GALNTL6: variants seen among roughly 807,000 people sequenced by gnomAD.
The protein encoded by GALNTL6 is polypeptide N-acetylgalactosaminyltransferase like 6, also known as polypeptide N-acetylgalactosaminyltransferase-like 6.
Under a neutral mutation model 73.7 loss-of-function variants are expected in GALNTL6, and 46 were observed. That is an observed-to-expected ratio of 0.62 (90% CI 0.49 to 0.80). The LOEUF is 0.80. Among genes scored for constraint, GALNTL6 ranks in the 30% least tolerant of loss-of-function variants. GALNTL6 has a pLI of 0.00. For synonymous variants in GALNTL6, 259 were observed against 263.7 expected (o/e 0.98, Z 0.17); for missense variants, 604 against 755.0 (o/e 0.80, Z 2.34).
chr4:172,206,349 AG>A (rs1254960445), intron 2 of GALNTL6, among the ~76,000 whole-genome samples: 2 of 152,194 alleles, frequency 1.3e-5, no homozygotes, highest in Non-Finnish European at 2.9e-5. Context: ...AAAGGGACAC[AG>A]GAAAAGACAA....
At chr4:172,969,418 A>G (rs925237524) in intron 10 of GALNTL6, among the ~76,000 whole-genome samples, 1 of 152,196 alleles carries the variant, frequency 6.6e-6, no homozygotes, top group Non-Finnish European at 1.5e-5. Flanking sequence ...CAACTAATAC[A>G]TAAAACTATA....
chr4:172,334,062 C>G (rs1285505119), intron 4 of GALNTL6, among the ~76,000 whole-genome samples: 1 of 152,054 alleles, frequency 6.6e-6, no homozygotes, highest in Non-Finnish European at 1.5e-5. Flanking sequence ...ATTTTTATAC[C>G]AATACCAGTG....
chr4:172,066,831 C>T (rs931371904), intron 2 of GALNTL6, among the ~76,000 whole-genome samples: 20 of 152,046 alleles, frequency 1.3e-4, no homozygotes, highest in African/African-American at 4.8e-4. Context: ...TCTTCTAATC[C>T]ACTTGCATGC....
At chr4:172,855,812 G>A (rs955628748) in intron 7 of GALNTL6, among the ~76,000 whole-genome samples, 3 of 152,210 alleles carry the variant, frequency 2.0e-5, no homozygotes, top group African/African-American at 7.2e-5. Flanking sequence ...TGGAGCTTGA[G>A]TGATGAGGAT....
chr4:172,083,891 C>T (rs1194696062), intron 2 of GALNTL6, among the ~76,000 whole-genome samples: 1 of 152,066 alleles, frequency 6.6e-6, no homozygotes, highest in Non-Finnish European at 1.5e-5. Context: ...TCATGAAAAA[C>T]AAAGCTGTGG....
chr4:172,067,868 AT>A lies in GALNTL6; in HGVS notation c.139-161787del, dbSNP rs1390602512. On this transcript the variant is annotated intron_variant, in intron 2 of 12. Transcript: ENST00000506823. Reference sequence around the variant, plus strand: ...TTGGGCTGATTAGTTGAGCCATTGCATGTAGAAGTGGAGTAAAGGCAGCAGA... The same window carrying A: ...TTGGGCTGATTAGTTGAGCCATTGCAGTAGAAGTGGAGTAAAGGCAGCAGA... Among the ~76,000 whole-genome samples the A allele has an allele frequency of 4.5e-5, 5 of 110,568 alleles. 2 individuals carry two copies. Among genetic ancestry groups the A allele is most frequent in the Non-Finnish European group, 1.0e-4 (5 of 49,644 alleles). 72.5% of individuals were successfully genotyped at this position (110,568 alleles called of 152,430 possible).
chr4:172,499,303 G>A lies in GALNTL6; in HGVS notation c.553+150614G>A, dbSNP rs545076304. 2.6e-5 allele frequency among the ~76,000 whole-genome samples: 4 copies of A among 152,152 alleles called. No homozygotes were observed. The South Asian group carries it at 8.3e-4, about 32-fold the overall frequency. On this transcript the variant is annotated intron_variant, in intron 5 of 12. Coordinates refer to ENST00000506823, the MANE Select transcript of GALNTL6 (RefSeq NM_001034845.3). ...ACAGGATTAGCACCTTATAAGAGGA[G>A]ACTCAAGAGAGATGATCTCTCTCCA...
At chr4:172,417,337 C>T (rs1203210013) in intron 5 of GALNTL6, among the ~76,000 whole-genome samples, 1 of 152,092 alleles carries the variant, frequency 6.6e-6, no homozygotes, top group Non-Finnish European at 1.5e-5. Context: ...GAATTCAAGC[C>T]TAAGACCTCA....
intron 11 of GALNTL6, among the ~76,000 whole-genome samples, chr4:173,013,596 C>CA (rs1752651328): frequency 7.1e-6 from 1 of 141,688 alleles, no homozygotes; most frequent in African/African-American, 2.6e-5. Context: ...GGCTAAAATG[C>CA]AAAAATCTAT....
chr4:172,989,149 C>T (rs978218874), intron 10 of GALNTL6, among the ~76,000 whole-genome samples: 6 of 152,174 alleles, frequency 3.9e-5, no homozygotes, highest in African/African-American at 1.4e-4. Flanking sequence ...GCTGCAGGCA[C>T]TCAATTCCAA....
chr4:172,490,267 T>TTGCA (rs1387553398), intron 5 of GALNTL6, among the ~76,000 whole-genome samples: 1 of 152,194 alleles, frequency 6.6e-6, no homozygotes, highest in African/African-American at 2.4e-5. Context: ...GGTTGTAAGG[T>TTGCA]TGCAATGCAG....
chr4:173,000,210 ATAAGT>A lies in GALNTL6; in HGVS notation c.1372-8959_1372-8955del, dbSNP rs200257468. On this transcript the variant is annotated intron_variant, in intron 10 of 12. Transcript: ENST00000506823. The stretch of plus-strand genomic sequence containing the variant: ...TTTAAGGAAAAAAACTGAGGCAAAA[ATAAGT>A]TAAGTTAACTTGCTTAATGCCATGC... Among the ~76,000 whole-genome samples the A allele has an allele frequency of 3.9e-3, 598 of 152,360 alleles. 4 individuals are homozygous for A. The highest frequency in any genetic ancestry group is 0.014 in the African/African-American group (573 of 41,590).
chr4:172,664,956 A>C (rs969272652), intron 5 of GALNTL6, among the ~76,000 whole-genome samples: 1 of 152,232 alleles, frequency 6.6e-6, no homozygotes, highest in Non-Finnish European at 1.5e-5. Context: ...GCAATGAAGA[A>C]TGTGCAACAG....
At chr4:172,695,685 C>T (rs1194092159) in intron 5 of GALNTL6, among the ~76,000 whole-genome samples, 2 of 152,152 alleles carry the variant, frequency 1.3e-5, no homozygotes, top group African/African-American at 4.8e-5. Flanking sequence ...CTGTGGCTCA[C>T]GCCTGTAATC....
intron 5 of GALNTL6, among the ~76,000 whole-genome samples, chr4:172,400,824 A>G (rs1744009586): frequency 1.3e-5 from 2 of 152,126 alleles, no homozygotes. Context: ...GTGAAGTCAG[A>G]CTTTAAAGAG....
intron 7 of GALNTL6, among the ~76,000 whole-genome samples, chr4:172,876,773 A>C (rs1024390450): frequency 4.6e-5 from 7 of 152,340 alleles, no homozygotes; most frequent in African/African-American, 1.7e-4. Flanking sequence ...TTCTAATGTA[A>C]GCAATGCTTT....
At chr4:172,806,832 G>A (rs1023056336) in intron 5 of GALNTL6, among the ~76,000 whole-genome samples, 27 of 152,242 alleles carry the variant, frequency 1.8e-4, no homozygotes, top group Admixed American at 1.3e-3. Context: ...CCAAAAAACC[G>A]ATTTACAATT....
intron 4 of GALNTL6, among the ~76,000 whole-genome samples, chr4:172,339,212 A>G (rs1741456102): frequency 1.3e-5 from 2 of 150,566 alleles, no homozygotes; most frequent in Admixed American, 6.6e-5. Context: ...CTGTACCTTC[A>G]TCTCAGGGGA....
intron 5 of GALNTL6, among the ~76,000 whole-genome samples, chr4:172,774,056 G>T (rs1738929164): frequency 6.6e-6 from 1 of 152,158 alleles, no homozygotes; most frequent in African/African-American, 2.4e-5. Context: ...GAAAGTTCAA[G>T]ATCCTCTTTT....
Sources: allele counts gnomAD v4.1 joint callset (sites outside exome capture counted in the v4.1 genomes callset), GRCh38; gene constraint gnomAD v4.1.1; transcripts MANE v1.5; gene names NCBI Gene and HGNC (gene_info 2026-07-23, HGNC 2026-07-21).